The following OPHN1 variants were observed in gnomAD, a reference collection of about 807,000 sequenced individuals.
OPHN1 encodes the protein oligophrenin 1, also known as oligophrenin-1.
OPHN1 carries 11 observed loss-of-function variants against 60.7 expected under a neutral mutation model. That is an observed-to-expected ratio of 0.18 (90% confidence interval 0.11 to 0.30). The LOEUF (loss-of-function observed/expected upper bound fraction) is 0.30. Among genes scored for constraint, OPHN1 ranks in the 10% least tolerant of loss-of-function variants. The probability of loss-of-function intolerance (pLI) is 1.00; values close to 1 mark genes in which losing one functional copy is unlikely to be tolerated. For synonymous variants in OPHN1, 226 were observed against 222.6 expected (o/e 1.02, Z -0.14); for missense variants, 449 against 611.0 (o/e 0.73, Z 2.80).
At chrX:68,338,055 T>C (rs768233010) in intron 2 of OPHN1, among the ~76,000 whole-genome samples, 1 of 111,680 alleles carries the variant, frequency 9.0e-6, no homozygotes, top group East Asian at 2.8e-4. Context: ...AGAGTCTCAC[T>C]GTGTTGCCCA....
intron 15 of OPHN1, among the ~76,000 whole-genome samples, chrX:68,158,975 C>G (rs1302466592): frequency 9.0e-6 from 1 of 111,463 alleles, no homozygotes; most frequent in Non-Finnish European, 1.9e-5. Flanking sequence ...GCCAAGAAGA[C>G]CACGGGTTAC....
At chrX:68,257,096 T>A (rs1233431289) in intron 5 of OPHN1, among the ~76,000 whole-genome samples, 1 of 111,297 alleles carries the variant, frequency 9.0e-6, no homozygotes, top group African/African-American at 3.3e-5. Context: ...TTTAATAGAC[T>A]ACAGTACGGT....
intron 19 of OPHN1, among the ~76,000 whole-genome samples, chrX:68,088,511 A>G (rs1160551279): frequency 9.0e-6 from 1 of 111,365 alleles, no homozygotes; most frequent in African/African-American, 3.3e-5. Context: ...TCATTTAACA[A>G]CCATAAACAA....
chrX:68,290,195 CA>C (rs1397991351), intron 3 of OPHN1, among the ~76,000 whole-genome samples: 3 of 111,558 alleles, frequency 2.7e-5, no homozygotes, highest in African/African-American at 9.8e-5. Flanking sequence ...CATGGTGGCT[CA>C]TGCCTATAAT....
At chrX:68,126,396 CA>C (rs1310672270) in intron 15 of OPHN1, among the ~76,000 whole-genome samples, 1 of 111,037 alleles carries the variant, frequency 9.0e-6, no homozygotes, top group African/African-American at 3.3e-5. Flanking sequence ...GTGATTTGTA[CA>C]TTATAATTAC....
intron 15 of OPHN1, among the ~76,000 whole-genome samples, chrX:68,171,391 C>G (rs1294457819): frequency 5.4e-5 from 6 of 111,520 alleles, no homozygotes; most frequent in Admixed American, 9.6e-5. Flanking sequence ...AAACACTTAT[C>G]TGATAAAGAA....
At chrX:68,220,089 T>C (rs2077644941) in intron 6 of OPHN1, among the ~76,000 whole-genome samples, 1 of 105,512 alleles carries the variant, frequency 9.5e-6, no homozygotes, top group Non-Finnish European at 2.0e-5. Flanking sequence ...TAAAAAATGA[T>C]AAAGGGGATA....
At chrX:68,209,303 T>C (rs1207068260) in intron 9 of OPHN1, among the ~76,000 whole-genome samples, 2 of 112,383 alleles carry the variant, frequency 1.8e-5, no homozygotes, top group African/African-American at 3.2e-5. Flanking sequence ...TAGTCACCAA[T>C]GAAAAACAGA....
At chrX:68,158,448 G>A (rs1467564751) in intron 15 of OPHN1, among the ~76,000 whole-genome samples, 1 of 112,395 alleles carries the variant, frequency 8.9e-6, no homozygotes, top group Non-Finnish European at 1.9e-5. Context: ...GTTTCTCCAC[G>A]TTAGAAGAGA....
chrX:68,166,793 C>G (rs1449616719), intron 15 of OPHN1, among the ~76,000 whole-genome samples: 1 of 111,750 alleles, frequency 8.9e-6, no homozygotes, highest in Non-Finnish European at 1.9e-5. Flanking sequence ...GGGGAAAGGA[C>G]AGTCTCTCCA....
intron 6 of OPHN1, among the ~76,000 whole-genome samples, chrX:68,228,862 T>A (rs1402927715): frequency 9.0e-6 from 1 of 110,648 alleles, no homozygotes; most frequent in Non-Finnish European, 1.9e-5. Flanking sequence ...AAGACAGGGA[T>A]GCCCTCTCTC....
At chrX:68,158,916 C>T (rs1410919471) in intron 15 of OPHN1, among the ~76,000 whole-genome samples, 2 of 111,771 alleles carry the variant, frequency 1.8e-5, no homozygotes, top group African/African-American at 6.5e-5. Context: ...CCCAATCAGC[C>T]CTGCTCCAGC....
chrX:68,193,911 T>C lies in OPHN1; in HGVS notation c.1180A>G (p.Ile394Val), dbSNP rs998600108. 1.1e-5 allele frequency: 13 copies of C among 1,206,449 alleles called. No individual in the cohort carries two copies. Among genetic ancestry groups the C allele is most frequent in the Non-Finnish European group, 1.5e-5 (13 of 892,262 alleles). The part of the protein sequence containing the change: ...EVGFKFVRKC[I>V]NIIETKGIKT... Reference sequence around the variant, plus strand: ...TTACCTTTGGTCTCAATAATATTGATGCACTTCCTGACAAACTTGAAGCCC... The same window carrying C: ...TTACCTTTGGTCTCAATAATATTGACGCACTTCCTGACAAACTTGAAGCCC... Residue 394 changes from isoleucine to valine, a missense_variant, in exon 14 of 25, where the codon ATC becomes GTC. By Grantham distance (29) the Ile-to-Val change is conservative. This residue lies in a region of OPHN1 where 166 missense variants were observed against 278.4 expected (regional missense o/e 0.60). Transcript: ENST00000355520.
At chrX:68,140,809 A>T (rs1164360903) in intron 15 of OPHN1, among the ~76,000 whole-genome samples, 1 of 110,631 alleles carries the variant, frequency 9.0e-6, no homozygotes, top group Non-Finnish European at 1.9e-5. Flanking sequence ...GTGGTTGGGG[A>T]TGCAAGCTGC....
At chrX:68,387,948 C>T (rs942821348) in intron 2 of OPHN1, among the ~76,000 whole-genome samples, 5 of 109,745 alleles carry the variant, frequency 4.6e-5, no homozygotes, top group Non-Finnish European at 5.7e-5. Flanking sequence ...TATTTCCAGA[C>T]GGAGAAAATG....
At chrX:68,136,382 C>A (rs1175370695) in intron 15 of OPHN1, among the ~76,000 whole-genome samples, 3 of 101,707 alleles carry the variant, frequency 2.9e-5, no homozygotes, top group African/African-American at 1.1e-4. Flanking sequence ...CGGCTCACTG[C>A]AAGCTCCGCC....
intron 2 of OPHN1, among the ~76,000 whole-genome samples, chrX:68,310,031 G>T (rs1050747882): frequency 1.2e-4 from 13 of 112,254 alleles, no homozygotes; most frequent in Non-Finnish European, 1.9e-4. Flanking sequence ...ACAAGTTTAT[G>T]TATTGATGGC....
chrX:68,094,325 GAAGCAATACAGT>G (rs1269991571), intron 19 of OPHN1, among the ~76,000 whole-genome samples: 1 of 111,421 alleles, frequency 9.0e-6, no homozygotes, highest in African/African-American at 3.3e-5. Flanking sequence ...CTTGACTACT[GAAGCAATACAGT>G]AAGCATTAAT....
intron 3 of OPHN1, 31 bp downstream of exon 3, chrX:68,298,970 G>T: frequency 1.1e-6 from 1 of 945,347 alleles, no homozygotes; most frequent in Non-Finnish European, 1.5e-6. Flanking sequence ...TGCCTCAACA[G>T]GTATATGACC....
Sources: gnomAD v4.1 joint callset for allele counts (sites outside exome capture counted in the v4.1 genomes callset) on GRCh38, gnomAD v4.1.1 for gene constraint, gnomAD v4.1.1 regional missense constraint, MANE v1.5 for transcripts, NCBI Gene and HGNC (gene_info 2026-07-23, HGNC 2026-07-21) for gene names.